The following SORCS2 variants were observed in gnomAD, a reference collection of about 807,000 sequenced individuals.
The protein encoded by SORCS2 is VPS10 domain-containing receptor SorCS2.
Under a neutral mutation model 141.6 loss-of-function variants are expected in SORCS2, and 100 were observed. That is an observed-to-expected ratio of 0.71 (90% CI 0.60 to 0.83). The LOEUF (loss-of-function observed/expected upper bound fraction) is 0.83. Among genes scored for constraint, SORCS2 ranks in the 40% least tolerant of loss-of-function variants. The pLI is 0.00. For synonymous variants in SORCS2, 789 were observed against 676.9 expected, an observed-to-expected ratio of 1.17 and a Z score of -2.57; for missense variants, 1,646 against 1,560.2, an observed-to-expected ratio of 1.05 and a Z score of -0.93.
At chr4:7,497,508 C>G (rs1731701483) in intron 2 of SORCS2, among the ~76,000 whole-genome samples, 1 of 152,356 alleles carries the variant, frequency 6.6e-6, no homozygotes, top group South Asian at 2.1e-4. Context: ...TGTGGAGATT[C>G]CTTGCCCCGT....
At chr4:7,373,455 C>CCT (rs57975761) in intron 1 of SORCS2, among the ~76,000 whole-genome samples, 8 of 68,148 alleles carry the variant, frequency 1.2e-4, no homozygotes, top group African/African-American at 7.1e-4. Flanking sequence ...TTGTGAGAAA[C>CCT]TTTTATATAT....
chr4:7,554,833 G>A (rs1199274307), intron 3 of SORCS2, among the ~76,000 whole-genome samples: 6 of 152,148 alleles, frequency 3.9e-5, no homozygotes, highest in South Asian at 4.1e-4. Context: ...ACAGGACCCC[G>A]TGAGAAACAT....
intron 2 of SORCS2, among the ~76,000 whole-genome samples, chr4:7,500,803 G>A (rs529735724): frequency 6.6e-6 from 1 of 152,338 alleles, no homozygotes; most frequent in African/African-American, 2.4e-5. Flanking sequence ...GGGAGCCTCA[G>A]CGACCTCCAT....
intron 2 of SORCS2, among the ~76,000 whole-genome samples, chr4:7,421,053 C>T (rs1380903513): frequency 6.6e-6 from 1 of 152,182 alleles, no homozygotes; most frequent in South Asian, 2.1e-4. Flanking sequence ...GGGCCTGGTT[C>T]CCAGTTCTCT....
intron 4 of SORCS2, among the ~76,000 whole-genome samples, chr4:7,643,361 G>A (rs1720863137): frequency 6.6e-6 from 1 of 152,178 alleles, no homozygotes. Context: ...TCTGTGCCTG[G>A]TCTTCAGACC....
Position 7,380,184 on chromosome 4 carries a change from G to A in SORCS2, c.481-16104G>A, listed in dbSNP as rs938323518. ...GTGCTCAGCCCCAGCCTGGGGTTTGGGGGCTTACCTGGAGCCTCCACAGGA... is the reference window on the plus strand; with the variant it reads ...GTGCTCAGCCCCAGCCTGGGGTTTGAGGGCTTACCTGGAGCCTCCACAGGA... On this transcript the variant is annotated intron_variant, in intron 1 of 26. Transcript: ENST00000507866. 3.3e-5 allele frequency among the ~76,000 whole-genome samples: 5 copies of A among 152,322 alleles called. No individual in the cohort carries two copies. In the East Asian group the frequency reaches 5.8e-4, roughly 18 times the overall value.
chr4:7,713,122 T>C (rs1725939275), intron 15 of SORCS2, among the ~76,000 whole-genome samples: 1 of 151,926 alleles, frequency 6.6e-6, no homozygotes, highest in South Asian at 2.1e-4. Flanking sequence ...CTCCAGCCCA[T>C]GGAGTCCAGT....
rs1577678440 is a variant in SORCS2, at chr4:7,511,620, A to G, written c.549-19910A>G. ...GGACGCTGGGTGCGTGTTTCTGCAG[A>G]GCTGGCCTGGGCGTGGCCCCGTGAA... On this transcript the variant is annotated intron_variant, in intron 2 of 26. Transcript: ENST00000507866. 7.2e-5 allele frequency among the ~76,000 whole-genome samples: 11 copies of G among 152,108 alleles called. No individual in the cohort carries two copies. The South Asian group carries it at 2.3e-3, about 32-fold the overall frequency.
At chr4:7,491,372 A>G (rs752272045) in intron 2 of SORCS2, among the ~76,000 whole-genome samples, 1 of 152,164 alleles carries the variant, frequency 6.6e-6, no homozygotes, top group Non-Finnish European at 1.5e-5. Context: ...CAGCAGCTCT[A>G]TGCCCCTGTC....
intron 1 of SORCS2, among the ~76,000 whole-genome samples, chr4:7,262,104 A>T (rs1714365461): frequency 6.6e-6 from 1 of 152,164 alleles, no homozygotes; most frequent in South Asian, 2.1e-4. Flanking sequence ...AAGATAATGG[A>T]GGTGGCAAAA....
intron 6 of SORCS2, 145 bp downstream of exon 6, chr4:7,661,709 A>T (rs1722184995): frequency 1.3e-6 from 1 of 775,914 alleles, no homozygotes; most frequent in East Asian, 2.9e-5. Context: ...GCATGATTTT[A>T]AATGTGCTTG....
chr4:7,435,417 G>T (rs1199810707), intron 2 of SORCS2, among the ~76,000 whole-genome samples: 1 of 152,252 alleles, frequency 6.6e-6, no homozygotes, highest in Non-Finnish European at 1.5e-5. Context: ...TTCTAACGTG[G>T]CCTCAGGGCC....
At chr4:7,627,073 C>A (rs1719559090) in intron 3 of SORCS2, among the ~76,000 whole-genome samples, 1 of 152,182 alleles carries the variant, frequency 6.6e-6, no homozygotes, top group Admixed American at 6.6e-5. Context: ...GCAACCTCTG[C>A]CTCCCAGGCT....
intron 17 of SORCS2, among the ~76,000 whole-genome samples, chr4:7,716,794 C>G (rs955268047): frequency 6.6e-6 from 1 of 152,246 alleles, no homozygotes; most frequent in Non-Finnish European, 1.5e-5. Context: ...ACAACAGGGA[C>G]TCTTGTCTGA....
At chr4:7,297,618 G>C (rs6840668) in intron 1 of SORCS2, among the ~76,000 whole-genome samples, 151,611 of 152,328 alleles carry the variant, frequency 1, 75,458 homozygotes, top group Middle Eastern at 1. Flanking sequence ...TTCAAGGGCT[G>C]CTGTTCCTAG....
chr4:7,709,163 C>T (rs150405778), intron 14 of SORCS2, among the ~76,000 whole-genome samples: 75 of 152,304 alleles, frequency 4.9e-4, no homozygotes, highest in Non-Finnish European at 6.5e-4. Context: ...GTGGTCAAGC[C>T]GTTCCTGAGG....
chr4:7,669,155 C>G (rs920174284), intron 8 of SORCS2, among the ~76,000 whole-genome samples: 13 of 152,186 alleles, frequency 8.5e-5, no homozygotes, highest in South Asian at 8.3e-4. Flanking sequence ...TCTTGCATTT[C>G]CATGGAAATT....
intron 2 of SORCS2, among the ~76,000 whole-genome samples, chr4:7,425,878 A>T (rs948583279): frequency 1.3e-5 from 2 of 152,072 alleles, no homozygotes; most frequent in Admixed American, 6.5e-5. Context: ...CCTCGTCCAC[A>T]CTTCCGGGCC....
chr4:7,198,945 G>A (rs1288058054), intron 1 of SORCS2, among the ~76,000 whole-genome samples: 2 of 152,164 alleles, frequency 1.3e-5, no homozygotes, highest in African/African-American at 4.8e-5. Flanking sequence ...TGGGTTGAGA[G>A]CTCCCAGCAG....
Sources: allele counts gnomAD v4.1 joint callset (sites outside exome capture counted in the v4.1 genomes callset), GRCh38; gene constraint gnomAD v4.1.1; transcripts MANE v1.5; gene names NCBI Gene and HGNC (gene_info 2026-07-23, HGNC 2026-07-21).